COL12A1: variants seen among roughly 807,000 people sequenced by gnomAD.
COL12A1 encodes collagen type XII alpha 1 chain, also known as collagen alpha-1(XII) chain.
COL12A1 carries 114 observed loss-of-function variants against 349.7 expected under a neutral mutation model. The observed-to-expected ratio is 0.33, with a 90% CI of 0.28 to 0.38. COL12A1 has a LOEUF of 0.38. COL12A1 is among the 10% of genes least tolerant of loss of function. The probability of loss-of-function intolerance (pLI) is 1.00; values close to 1 mark genes in which losing one functional copy is unlikely to be tolerated. For missense variants in COL12A1, 3,284 were observed against 3,756.9 expected (o/e 0.87, Z 3.29); for synonymous variants, 1,369 against 1,329.0 (o/e 1.03, Z -0.66).
intron 2 of COL12A1, among the ~76,000 whole-genome samples, chr6:75,198,179 T>C (rs1461500993): frequency 2.6e-5 from 4 of 152,200 alleles, no homozygotes; most frequent in Non-Finnish European, 4.4e-5. Flanking sequence ...AAATTAACTT[T>C]AGAAAACAAT....
intron 14 of COL12A1, among the ~76,000 whole-genome samples, chr6:75,157,507 A>G (rs1767822927): frequency 6.6e-6 from 1 of 152,084 alleles, no homozygotes; most frequent in Non-Finnish European, 1.5e-5. Flanking sequence ...GGCATAGGAC[A>G]CTGATCCCTA....
chr6:75,120,707 T>C (rs1769313368), intron 44 of COL12A1, among the ~76,000 whole-genome samples: 1 of 152,210 alleles, frequency 6.6e-6, no homozygotes. Flanking sequence ...TGATGATTTA[T>C]TCTTTGAGGC....
At chr6:75,180,028 C>A (rs899108019) in intron 11 of COL12A1, among the ~76,000 whole-genome samples, 1 of 152,160 alleles carries the variant, frequency 6.6e-6, no homozygotes, top group Admixed American at 6.5e-5. Flanking sequence ...GGGCGCTATG[C>A]CACACACCTG....
chr6:75,140,949 G>A (rs1049437235), intron 27 of COL12A1, among the ~76,000 whole-genome samples: 4 of 152,134 alleles, frequency 2.6e-5, no homozygotes, highest in Non-Finnish European at 4.4e-5. Flanking sequence ...TGTGCTCTAA[G>A]TGTAAAATAC....
At chr6:75,201,043 T>A (rs1770501757) in intron 2 of COL12A1, among the ~76,000 whole-genome samples, 1 of 152,172 alleles carries the variant, frequency 6.6e-6, no homozygotes, top group South Asian at 2.1e-4. Context: ...AAGCTGTTCT[T>A]TCTAACTGCA....
Position 75,085,146 on chromosome 6 carries a change from C to A in COL12A1, c.*1401G>T, listed in dbSNP as rs1376329835. 2.2e-6 allele frequency: 1 copy of A among 444,778 alleles called. No individual in the cohort carries two copies. Among genetic ancestry groups the A allele is most frequent in the Non-Finnish European group, 4.6e-6 (1 of 218,538 alleles). 27.6% of individuals were successfully genotyped at this position (444,778 alleles called of 1,614,324 possible). The stretch of plus-strand genomic sequence containing the variant: ...CTATCTGACCTGTAAATGAGAATTT[C>A]AACACCTCCCCCAAGCCTCGCGGCG... On this transcript the variant is annotated 3_prime_UTR_variant, in exon 66 of 66. Transcript: ENST00000322507.
At chr6:75,148,705 A>G (rs752048333) in intron 21 of COL12A1, among the ~76,000 whole-genome samples, 6 of 152,156 alleles carry the variant, frequency 3.9e-5, no homozygotes, top group Non-Finnish European at 8.8e-5. Flanking sequence ...TTCTAGCCTC[A>G]AAAGATTAAA....
intron 26 of COL12A1, among the ~76,000 whole-genome samples, chr6:75,142,365 T>C (rs765929535): frequency 5.9e-5 from 9 of 152,230 alleles, no homozygotes; most frequent in Non-Finnish European, 1.2e-4. Flanking sequence ...CTAGATCATA[T>C]GGCACATGAC....
intron 38 of COL12A1, 55 bp from the exon 39 acceptor site, chr6:75,126,525 C>T: frequency 1.3e-6 from 2 of 1,541,860 alleles, no homozygotes; most frequent in Non-Finnish European, 1.8e-6. Flanking sequence ...ACAGGGAGAG[C>T]ACAAAACTTT....
chr6:75,119,511 T>C (rs770931440), intron 44 of COL12A1, 38 bp from the exon 45 acceptor site: 1 of 1,568,082 alleles, frequency 6.4e-7, no homozygotes, highest in Non-Finnish European at 8.7e-7. Flanking sequence ...GCATAAGTCA[T>C]CTCATTTTAT....
chr6:75,091,374 G>C lies in COL12A1; in HGVS notation c.8701C>G (p.Gln2901Glu), dbSNP rs754295132. ...CTTGCAACTGCTCGCATCATGTTCTGGGAAGCAATGTCTCCCTTGTTGAAT... is the reference window on the plus strand; with the variant it reads ...CTTGCAACTGCTCGCATCATGTTCTCGGAAGCAATGTCTCCCTTGTTGAAT... ...EKGDRGDIAS[Q>E]NMMRAVARQV... is the part of the protein sequence containing the mutation. The change falls in exon 62 of 66, where the codon CAG becomes GAG. Residue 2901 changes from glutamine (Q) to glutamate (E), a missense_variant. By Grantham distance (29) the Gln-to-Glu change is conservative. Transcript: ENST00000322507. 12 of 1,613,588 alleles carry C rather than the reference G, an allele frequency of 7.4e-6. No individual in the cohort carries two copies. The highest frequency in any genetic ancestry group is 8.5e-7 in the Non-Finnish European group (1 of 1,179,912).
chr6:75,178,030 A>G lies in COL12A1; in HGVS notation c.2165-95T>C, dbSNP rs75145149. ...TACCTTTTTATTACTAAATTATACCATTTCTCTAAAGAAATCCATGAGCAA... is the reference window on the plus strand; with the variant it reads ...TACCTTTTTATTACTAAATTATACCGTTTCTCTAAAGAAATCCATGAGCAA... On this transcript the variant is annotated intron_variant, in intron 11 of 65. Transcript: ENST00000322507. 2,570 of 1,167,220 alleles carry G rather than the reference A, an allele frequency of 2.2e-3. 36 individuals carry two copies. In the African/African-American group the frequency reaches 0.036, roughly 16 times the overall value. The allele number at this position is 1,167,220 out of a possible 1,614,324, so 72.3% of individuals were successfully genotyped here. A position where few individuals can be genotyped will look rare whatever the true frequency, so the allele number is the denominator to read the frequency against.
chr6:75,088,428 A>G (rs867458367), intron 64 of COL12A1, among the ~76,000 whole-genome samples: 1 of 151,808 alleles, frequency 6.6e-6, no homozygotes, highest in Non-Finnish European at 1.5e-5. Flanking sequence ...AAAAAACAGG[A>G]AATATAACCA....
chr6:75,156,999 C>A (rs117258339), intron 14 of COL12A1, among the ~76,000 whole-genome samples: 1 of 152,232 alleles, frequency 6.6e-6, no homozygotes, highest in Non-Finnish European at 1.5e-5. Flanking sequence ...CTTATGATTG[C>A]CACGCACATC....
intron 38 of COL12A1, 114 bp downstream of exon 38, chr6:75,128,182 G>T: frequency 1.2e-6 from 1 of 825,042 alleles, no homozygotes; most frequent in Non-Finnish European, 1.8e-6. Flanking sequence ...TATTAGTGTG[G>T]TATTTGAGAT....
intron 14 of COL12A1, among the ~76,000 whole-genome samples, chr6:75,161,571 A>T (rs533289302): frequency 6.6e-6 from 1 of 152,262 alleles, no homozygotes; most frequent in East Asian, 1.9e-4. Flanking sequence ...CAAAAACTGG[A>T]AGCATTCCCT....
rs1767306295 is a variant in COL12A1, at chr6:75,148,364, A to T, written c.4281T>A (p.Arg1427=). Reference sequence around the variant, plus strand: ...TATAGGTGTTCCTACTCACTTCTTGACGTTTCCCTCCAGAAACTGGATAGT... The same window carrying T: ...TATAGGTGTTCCTACTCACTTCTTGTCGTTTCCCTCCAGAAACTGGATAGT... ...VEYYPVSGGK[R]QEFYVSRMET... Residue 1427 remains arginine, a synonymous_variant, in exon 22 of 66, where the codon CGT becomes CGA. Transcript: ENST00000322507. 6.2e-7 allele frequency: 1 copy of T among 1,612,536 alleles called. No homozygotes were observed. Among genetic ancestry groups the T allele is most frequent in the Non-Finnish European group, 8.5e-7 (1 of 1,179,144 alleles).
chr6:75,134,846 C>G lies in COL12A1; in HGVS notation c.5404G>C (p.Gly1802Arg). 6.2e-7 allele frequency: 1 copy of G among 1,609,902 alleles called. No homozygotes were observed. The highest frequency in any genetic ancestry group is 8.5e-7 in the Non-Finnish European group (1 of 1,177,280). ...AGGACCACACTGTTCTGCCGTCCTC[C>G]TATTGTGGTCTTGAGTAAAAAGGGT... ...GEGNEQTTTI[G>R]GRQNSVVLQK... Residue 1802 changes from glycine to arginine, a missense_variant, in exon 32 of 66, where the codon GGA becomes CGA. Physicochemically the swap from Gly to Arg is moderately radical, Grantham distance 125 (BLOSUM62 -2). Coordinates refer to ENST00000322507, the MANE Select transcript of COL12A1 (RefSeq NM_004370.6).
chr6:75,087,119 A>T (rs938206355), intron 65 of COL12A1: 1 of 157,422 alleles, frequency 6.4e-6, no homozygotes, highest in African/African-American at 2.4e-5. Context: ...TATAAATATT[A>T]ATTCCATGGC....
Sources: gnomAD v4.1 joint callset for allele counts (sites outside exome capture counted in the v4.1 genomes callset) on GRCh38, gnomAD v4.1.1 for gene constraint, MANE v1.5 for transcripts, NCBI Gene and HGNC (gene_info 2026-07-23, HGNC 2026-07-21) for gene names.